HIPK2: variants seen among roughly 807,000 people sequenced by gnomAD.
The protein encoded by HIPK2 is homeodomain interacting protein kinase 2.
In HIPK2, 27 loss-of-function variants were observed where a neutral mutation model predicts 113.7. That is an observed-to-expected ratio of 0.24 (90% CI 0.17 to 0.33). The LOEUF (loss-of-function observed/expected upper bound fraction) is 0.33, where lower values mean the gene tolerates loss of function less well. HIPK2 is among the 10% of genes least tolerant of loss of function. The probability of loss-of-function intolerance (pLI) is 1.00; values close to 1 mark genes in which losing one functional copy is unlikely to be tolerated. For missense variants in HIPK2, 1,257 were observed against 1,588.0 expected (o/e 0.79, Z 3.54); for synonymous variants, 631 against 642.2 (o/e 0.98, Z 0.26).
chr7:139,756,415 T>TTTTG lies in HIPK2; in HGVS notation c.19+21186_19+21189dup, dbSNP rs539978475. On this transcript the variant is annotated intron_variant, in intron 1 of 14. Coordinates refer to ENST00000406875, the MANE Select transcript of HIPK2 (RefSeq NM_022740.5). Reference sequence around the variant, plus strand: ...TAAAAATTACTAGACTTTATTTAGTTTTTGTTTGTTTGTTTGTTTGTTTTT... The same window carrying TTTTG: ...TAAAAATTACTAGACTTTATTTAGTTTTTGTTTGTTTGTTTGTTTGTTTGTTTTT... 2.3e-4 allele frequency among the ~76,000 whole-genome samples: 35 copies of TTTTG among 152,330 alleles called. 1 individual carries two copies. Among genetic ancestry groups the TTTTG allele is most frequent in the Admixed American group, 3.9e-4 (6 of 15,302 alleles).
chr7:139,693,928 T>C (rs919573065), intron 2 of HIPK2, among the ~76,000 whole-genome samples: 17 of 152,122 alleles, frequency 1.1e-4, no homozygotes, highest in African/African-American at 4.1e-4. Flanking sequence ...ACTGAACACA[T>C]GAAAGGAGTG....
At chr7:139,699,784 G>C (rs1483113707) in intron 2 of HIPK2, among the ~76,000 whole-genome samples, 2 of 152,316 alleles carry the variant, frequency 1.3e-5, no homozygotes, top group East Asian at 1.9e-4. Flanking sequence ...GCTGCCCCAG[G>C]TCTGAATCCC....
Position 139,572,895 on chromosome 7 carries a change from C to G in HIPK2, c.*32G>C. 4.8e-5 allele frequency: 22 copies of G among 456,902 alleles called. No homozygotes were observed. The highest frequency in any genetic ancestry group is 7.1e-5 in the Non-Finnish European group (17 of 240,268). 28.3% of individuals were successfully genotyped at this position (456,902 alleles called of 1,614,324 possible). A position where few individuals can be genotyped will look rare whatever the true frequency, so the allele number is the denominator to read the frequency against. On this transcript the variant is annotated 3_prime_UTR_variant, in exon 15 of 15. Coordinates refer to ENST00000406875, the MANE Select transcript of HIPK2 (RefSeq NM_022740.5). Reference sequence around the variant, plus strand: ...TCCCTCCTCCCTCGGGCCATTCTCTCCCTCCCTCCCTCCCTCCCTCCCCTC... The same window carrying G: ...TCCCTCCTCCCTCGGGCCATTCTCTGCCTCCCTCCCTCCCTCCCTCCCCTC...
At position 139,716,531 on chromosome 7, in the gene HIPK2, C is replaced by T. The variant is rs748483388; in HGVS notation, c.504G>A (p.Thr168=). The T allele has an allele frequency of 8.6e-5, 138 of 1,613,870 alleles. No individual in the cohort carries two copies. In the East Asian group the frequency reaches 1.9e-3, roughly 22 times the overall value. Residue 168 remains threonine (T), a synonymous_variant, in exon 2 of 15, where the codon ACG becomes ACA. Coordinates refer to ENST00000406875, the MANE Select transcript of HIPK2 (RefSeq NM_022740.5). The surrounding 1 kb of genome is among the most constrained non-coding windows in gnomAD (Gnocchi z 9.3). ...ASGATVATAT[T]STATSKNSGS... is the part of the protein sequence containing the mutation. ...CGCTGTTTTTGGAGGTGGCAGTAGA[C>T]GTGGTGGCAGTGGCGACAGTGGCCC...
chr7:139,691,751 C>A (rs1794410501), intron 2 of HIPK2, among the ~76,000 whole-genome samples: 1 of 152,220 alleles, frequency 6.6e-6, no homozygotes, highest in Non-Finnish European at 1.5e-5. Flanking sequence ...AGGGACAGGG[C>A]AGATTCTCAG....
intron 10 of HIPK2, among the ~76,000 whole-genome samples, chr7:139,601,532 C>A (rs181788459): frequency 6.6e-6 from 1 of 152,298 alleles, no homozygotes; most frequent in East Asian, 1.9e-4. Flanking sequence ...ATTAATTACA[C>A]GCTTGCTGAA....
At chr7:139,693,060 G>A (rs1405873930) in intron 2 of HIPK2, among the ~76,000 whole-genome samples, 1 of 148,444 alleles carries the variant, frequency 6.7e-6, no homozygotes, top group African/African-American at 2.4e-5. Flanking sequence ...CTAACCCCAA[G>A]AGGAACAGAG....
At chr7:139,645,616 T>G (rs899635865) in intron 2 of HIPK2, among the ~76,000 whole-genome samples, 1 of 152,172 alleles carries the variant, frequency 6.6e-6, no homozygotes, top group Non-Finnish European at 1.5e-5. Flanking sequence ...GCTCTGATCC[T>G]GTAAGTACAG....
rs1799911129 is a variant in HIPK2, at chr7:139,613,462, G to T, written c.1991-139C>A. 1 of 917,532 alleles carries T rather than the reference G, an allele frequency of 1.1e-6. No individual in the cohort carries two copies. Among genetic ancestry groups the T allele is most frequent in the Non-Finnish European group, 1.6e-6 (1 of 627,204 alleles). 56.8% of individuals were successfully genotyped at this position (917,532 alleles called of 1,614,324 possible). ...ACTGACAACAACCAGGTATTGCCTG[G>T]TCCTTGGAAGTCTCCCCTTTGGCTT... On this transcript the variant is annotated intron_variant, in intron 8 of 14. Coordinates refer to ENST00000406875, the MANE Select transcript of HIPK2 (RefSeq NM_022740.5). This position sits in a 1 kb window ranked among gnomAD's most constrained non-coding sequence, Gnocchi z 4.2.
chr7:139,615,312 C>T (rs1799999988), intron 7 of HIPK2, among the ~76,000 whole-genome samples: 1 of 152,188 alleles, frequency 6.6e-6, no homozygotes, highest in Non-Finnish European at 1.5e-5. Context: ...GAGCCTGGGG[C>T]TTTGTGTCTG....
chr7:139,596,783 G>A lies in HIPK2; in HGVS notation c.2651C>T (p.Thr884Met), dbSNP rs1446895902. ...ACTGCTGATGGTGATGACGCTGACCGTGGGGCTGGGAGTGTCGGGAATGAC... is the reference window on the plus strand; with the variant it reads ...ACTGCTGATGGTGATGACGCTGACCATGGGGCTGGGAGTGTCGGGAATGAC... ...TIVIPDTPSP[T>M]VSVITISSDT... is the part of the protein sequence containing the mutation. The change falls in exon 12 of 15, where the codon ACG becomes ATG. Residue 884 changes from threonine (T) to methionine (M), a missense_variant. This residue lies in a region of HIPK2 where 862 missense variants were observed against 1,004.3 expected (regional missense o/e 0.86). Coordinates refer to ENST00000406875, the MANE Select transcript of HIPK2 (RefSeq NM_022740.5). 8 of 1,613,802 alleles carry A rather than the reference G, an allele frequency of 5.0e-6. No individual in the cohort carries two copies. Among genetic ancestry groups the A allele is most frequent in the Admixed American group, 1.7e-5 (1 of 60,010 alleles).
intron 1 of HIPK2, among the ~76,000 whole-genome samples, chr7:139,748,076 T>C (rs1796218257): frequency 6.6e-6 from 1 of 152,044 alleles, no homozygotes; most frequent in African/African-American, 2.4e-5. Flanking sequence ...AAAATATTTT[T>C]CCAACCTGAA....
chr7:139,627,646 C>A (rs1427548577), intron 5 of HIPK2, among the ~76,000 whole-genome samples: 1 of 152,234 alleles, frequency 6.6e-6, no homozygotes, highest in Non-Finnish European at 1.5e-5. Flanking sequence ...AACTGACAAG[C>A]ACACTTTACT....
chr7:139,581,796 C>T (rs1798677343), intron 13 of HIPK2, among the ~76,000 whole-genome samples: 1 of 152,212 alleles, frequency 6.6e-6, no homozygotes, highest in Non-Finnish European at 1.5e-5. Flanking sequence ...GGGCAGGCAC[C>T]AGACGAGGAA....
chr7:139,738,421 G>A (rs1019295146), intron 1 of HIPK2, among the ~76,000 whole-genome samples: 5 of 152,276 alleles, frequency 3.3e-5, no homozygotes, highest in African/African-American at 1.2e-4. Flanking sequence ...CCTTGAAAAT[G>A]TGGCTGGTGT....
intron 2 of HIPK2, among the ~76,000 whole-genome samples, chr7:139,710,278 A>G (rs989504527): frequency 3.3e-5 from 5 of 152,170 alleles, no homozygotes; most frequent in Non-Finnish European, 7.4e-5. Flanking sequence ...GCCAGGTGTC[A>G]CTGTCTAAGG....
At chr7:139,589,978 G>T (rs915320991) in intron 12 of HIPK2, among the ~76,000 whole-genome samples, 1 of 152,166 alleles carries the variant, frequency 6.6e-6, no homozygotes, top group African/African-American at 2.4e-5. Flanking sequence ...CTCTTCCATT[G>T]TTAGAAAGCT....
rs76178691 is a variant in HIPK2, at chr7:139,581,841, G to A, written c.2965+1976C>T. ...TCGTGAGGGCACAGGCAGCACTCCCGCATATGGTATGAGTTCAGTCTGCAG... is the reference window on the plus strand; with the variant it reads ...TCGTGAGGGCACAGGCAGCACTCCCACATATGGTATGAGTTCAGTCTGCAG... On this transcript the variant is annotated intron_variant, in intron 13 of 14. Transcript: ENST00000406875. 2.6e-3 allele frequency among the ~76,000 whole-genome samples: 392 copies of A among 152,288 alleles called. 4 individuals carry two copies. Among genetic ancestry groups the A allele is most frequent in the African/African-American group, 8.6e-3 (358 of 41,546 alleles).
intron 1 of HIPK2, among the ~76,000 whole-genome samples, chr7:139,727,562 T>C (rs12703395): frequency 0.36 from 55,287 of 152,142 alleles, 14,017 homozygotes; most frequent in African/African-American, 0.72. Flanking sequence ...ATCTATCTAC[T>C]TATTGACTCA....
Sources: gnomAD v4.1 joint callset for allele counts (sites outside exome capture counted in the v4.1 genomes callset) on GRCh38, gnomAD v4.1.1 for gene constraint, gnomAD v4.1.1 regional missense constraint, Gnocchi (gnomAD v3.1) non-coding constraint, MANE v1.5 for transcripts, NCBI Gene and HGNC (gene_info 2026-07-23, HGNC 2026-07-21) for gene names.